PTPRS: variants seen among roughly 807,000 people sequenced by gnomAD.
PTPRS encodes the protein protein tyrosine phosphatase receptor type S.
A neutral mutation model predicts 215.3 loss-of-function variants in PTPRS; 63 were observed. That is an observed-to-expected ratio of 0.29 (90% CI 0.24 to 0.36). The LOEUF (loss-of-function observed/expected upper bound fraction) is 0.36, where lower values mean the gene tolerates loss of function less well. Among genes scored for constraint, PTPRS ranks in the 10% least tolerant of loss-of-function variants. PTPRS has a pLI of 1.00. For synonymous variants in PTPRS, 1,404 were observed against 1,191.4 expected (o/e 1.18, Z -3.68); for missense variants, 2,258 against 2,825.8 (o/e 0.80, Z 4.56).
rs761648881 is a variant in PTPRS, at chr19:5,212,070, G to T, written c.4950C>A (p.Gly1650=). The part of the protein sequence containing the change: ...FIHEALLEAV[G]CGNTEVPARS... ...GTGCGGGCACTTCTGTGTTGCCACA[G>T]CCCACGGCCTCCAGCAGGGCCTCGT... The change falls in exon 32 of 38, where the codon GGC becomes GGA. Residue 1650 remains glycine (G), a synonymous_variant. Transcript: ENST00000262963. 1 of 1,614,048 alleles carries T rather than the reference G, an allele frequency of 6.2e-7. No homozygotes were observed. Among genetic ancestry groups the T allele is most frequent in the South Asian group, 1.1e-5 (1 of 91,088 alleles).
rs1809889666 is a variant in PTPRS at position 5,339,368 on chromosome 19, G to A, written c.-95+1296C>T. Among the ~76,000 whole-genome samples, 1 of 152,090 alleles carries A rather than the reference G, an allele frequency of 6.6e-6. No homozygotes were observed. The highest frequency in any genetic ancestry group is 1.5e-5 in the Non-Finnish European group (1 of 68,018). On this transcript the variant is annotated intron_variant, in intron 1 of 37. Transcript: ENST00000262963. This position sits in a 1 kb window ranked among gnomAD's most constrained non-coding sequence, Gnocchi z 4.2. ...AGCTGCATATTTAGGGAGACGAGAA[G>A]ACGATTTGAGACTGGGGAAAGAGGG...
intron 5 of PTPRS, 31 bp from the exon 6 acceptor site, chr19:5,263,003 G>C (rs1198745528): frequency 7.5e-7 from 1 of 1,340,582 alleles, no homozygotes; most frequent in African/African-American, 1.5e-5. Context: ...GATAAGAAAA[G>C]AGAACAGGAA....
intron 17 of PTPRS, 64 bp downstream of exon 17, chr19:5,225,663 C>A: frequency 7.2e-7 from 1 of 1,385,260 alleles, no homozygotes; most frequent in South Asian, 1.2e-5. Flanking sequence ...ACTCTGGAGT[C>A]ACGCTCTGGT....
intron 1 of PTPRS, among the ~76,000 whole-genome samples, chr19:5,326,043 C>A (rs1387397539): frequency 9.9e-5 from 15 of 152,130 alleles, no homozygotes; most frequent in Admixed American, 9.8e-4. Flanking sequence ...CCAGCCTGGC[C>A]AACATGGTGA....
rs1304489225 is a variant in PTPRS, at chr19:5,205,977, AG to A, written c.*796del. ...TTTAATTTATAAAAATGAAACAAAAAGGGGGAAAAAAAAAGCCAAGAAAGAA... is the reference window on the plus strand; with the variant it reads ...TTTAATTTATAAAAATGAAACAAAAAGGGGAAAAAAAAAGCCAAGAAAGAA... On this transcript the variant is annotated 3_prime_UTR_variant, in exon 38 of 38. Transcript: ENST00000262963. Among the ~76,000 whole-genome samples, 1 of 149,454 alleles carries A rather than the reference AG, an allele frequency of 6.7e-6. No homozygotes were observed. Among genetic ancestry groups the A allele is most frequent in the African/African-American group, 2.5e-5 (1 of 40,630 alleles).
In PTPRS at chr19:5,225,675, C is replaced by G. The variant is rs886191782; in HGVS notation, c.2494+52G>C. On this transcript the variant is annotated intron_variant, in intron 17 of 37. Transcript: ENST00000262963. ...AGGACTCTGGAGTCACGCTCTGGTG[C>G]CAGTGGGGGCAAAGGGGCTGTTGGT... is the stretch of plus-strand genomic sequence containing the variant. 14 of 1,463,590 alleles carry G rather than the reference C, an allele frequency of 9.6e-6. No individual in the cohort carries two copies. In the African/African-American group the frequency reaches 2.0e-4, roughly 20 times the overall value. The allele number at this position is 1,463,590 out of a possible 1,614,324, so 90.7% of individuals were successfully genotyped here. A position where few individuals can be genotyped will look rare whatever the true frequency, so the allele number is the denominator to read the frequency against.
chr19:5,218,551 G>T lies in PTPRS; in HGVS notation c.3936-19C>A, dbSNP rs1270096791. ...GCGTTTACTTTAGGAGAAGCAAGCG[G>T]AACAGTCCAGTTAGTAGTGGCACAT... On this transcript the variant is annotated intron_variant, in intron 24 of 37. Transcript: ENST00000262963. 2 of 1,610,124 alleles carry T rather than the reference G, an allele frequency of 1.2e-6. No individual in the cohort carries two copies. Among genetic ancestry groups the T allele is most frequent in the South Asian group, 2.2e-5 (2 of 90,968 alleles).
chr19:5,289,706 T>C (rs1190983738), intron 1 of PTPRS, among the ~76,000 whole-genome samples: 1 of 152,186 alleles, frequency 6.6e-6, no homozygotes, highest in African/African-American at 2.4e-5. Flanking sequence ...GATTTAATAT[T>C]GGCTGAGGAC....
chr19:5,223,137 G>T lies in PTPRS; in HGVS notation c.2655C>A (p.Pro885=). ...CTGATGCCGTGTAGCGGTCCTCGGAGGGCGGGAACTCCAGGGTGGCCAGGG... is the reference window on the plus strand; with the variant it reads ...CTGATGCCGTGTAGCGGTCCTCGGATGGCGGGAACTCCAGGGTGGCCAGGG... ...STPLATLEFP[P]SEDRYTASGV... Residue 885 remains proline (P), a synonymous_variant, in exon 18 of 38, where the codon CCC becomes CCA. Coordinates refer to ENST00000262963, the MANE Select transcript of PTPRS (RefSeq NM_002850.4). 1 of 1,570,930 alleles carries T rather than the reference G, an allele frequency of 6.4e-7. No individual in the cohort carries two copies. The highest frequency in any genetic ancestry group is 2.4e-5 in the East Asian group (1 of 42,394).
intron 1 of PTPRS, among the ~76,000 whole-genome samples, chr19:5,290,086 G>C (rs887280): frequency 0.19 from 28,975 of 152,274 alleles, 3,385 homozygotes; most frequent in African/African-American, 0.3. Flanking sequence ...GCTGAGCCAG[G>C]GCTAGGGAGA....
chr19:5,299,078 T>G (rs2049226588), intron 1 of PTPRS, among the ~76,000 whole-genome samples: 1 of 152,102 alleles, frequency 6.6e-6, no homozygotes, highest in South Asian at 2.1e-4. Flanking sequence ...GTCCCCAGCC[T>G]CCCACCCTCG....
At chr19:5,324,440 T>G (rs534959676) in intron 1 of PTPRS, among the ~76,000 whole-genome samples, 1 of 152,066 alleles carries the variant, frequency 6.6e-6, no homozygotes, top group Non-Finnish European at 1.5e-5. Context: ...TGGGAGCATT[T>G]TGTGTATGGA....
intron 1 of PTPRS, among the ~76,000 whole-genome samples, chr19:5,334,032 G>A (rs1186081652): frequency 4.0e-5 from 6 of 151,570 alleles, no homozygotes; most frequent in African/African-American, 1.2e-4. Flanking sequence ...AGCCACATGT[G>A]GAGTCCCTGG....
chr19:5,327,435 C>T (rs1257959681), intron 1 of PTPRS, among the ~76,000 whole-genome samples: 3 of 152,110 alleles, frequency 2.0e-5, no homozygotes, highest in African/African-American at 7.2e-5. Context: ...AAACCACTGC[C>T]CCAGGGTCAC....
chr19:5,212,983 T>C (rs1302487892), intron 30 of PTPRS, among the ~76,000 whole-genome samples: 1 of 151,986 alleles, frequency 6.6e-6, no homozygotes, highest in African/African-American at 2.4e-5. Flanking sequence ...TATCTGGCCT[T>C]CTCCCCAAAC....
chr19:5,315,627 G>T (rs1298476727), intron 1 of PTPRS, among the ~76,000 whole-genome samples: 2 of 150,536 alleles, frequency 1.3e-5, no homozygotes, highest in African/African-American at 4.9e-5. Context: ...AGCCTCCTGA[G>T]TAGCTGGGAC....
intron 9 of PTPRS, among the ~76,000 whole-genome samples, chr19:5,250,618 G>GA (rs1182530701): frequency 0.013 from 1 of 78 alleles, no homozygotes; most frequent in African/African-American, 0.016. Context: ...GGGTCCCAGC[G>GA]GGGGGACCCG....
At chr19:5,218,245 A>G (rs750138796) in intron 25 of PTPRS, among the ~76,000 whole-genome samples, 175 bp downstream of exon 25, 1 of 151,786 alleles carries the variant, frequency 6.6e-6, no homozygotes, top group Non-Finnish European at 1.5e-5. Context: ...GAACCAACCT[A>G]TGAGTTCCAA....
At chr19:5,207,425 T>G (rs538834757) in intron 37 of PTPRS, among the ~76,000 whole-genome samples, 1 of 152,364 alleles carries the variant, frequency 6.6e-6, no homozygotes, top group African/African-American at 2.4e-5. Flanking sequence ...CTTTCTGTGT[T>G]GCCCAGGATG....
Sources: allele counts gnomAD v4.1 joint callset (sites outside exome capture counted in the v4.1 genomes callset), GRCh38; gene constraint gnomAD v4.1.1; non-coding constraint Gnocchi (gnomAD v3.1); transcripts MANE v1.5; gene names NCBI Gene and HGNC (gene_info 2026-07-23, HGNC 2026-07-21).